Variants in TRDN observed in about 807,000 individuals in gnomAD.
TRDN encodes the protein triadin in skeletal muscle.
TRDN carries 161 observed loss-of-function variants against 149.7 expected under a neutral mutation model. The observed-to-expected ratio is 1.08, with a 90% CI of 0.95 to 1.23. The LOEUF is 1.23. TRDN is among the 50% of genes most tolerant of loss of function. The pLI is 0.00. For synonymous variants in TRDN, 294 were observed against 250.5 expected (o/e 1.17, Z -1.64); for missense variants, 896 against 823.5 (o/e 1.09, Z -1.08).
At chr6:123,619,382 C>T (rs1267803522) in intron 1 of TRDN, among the ~76,000 whole-genome samples, 1 of 152,122 alleles carries the variant, frequency 6.6e-6, no homozygotes, top group Admixed American at 6.6e-5. Context: ...TGGCTGTTGG[C>T]TGGAAGCTTG....
chr6:123,348,770 T>G (rs1472984659), intron 21 of TRDN, among the ~76,000 whole-genome samples: 1 of 152,056 alleles, frequency 6.6e-6, no homozygotes, highest in Non-Finnish European at 1.5e-5. Flanking sequence ...AGCTCAATAA[T>G]CTTAAACTCA....
chr6:123,520,674 T>G (rs1020067141), intron 5 of TRDN, among the ~76,000 whole-genome samples: 21 of 152,352 alleles, frequency 1.4e-4, no homozygotes, highest in African/African-American at 4.8e-4. Flanking sequence ...TTTATAATTC[T>G]AAAATATTAG....
intron 22 of TRDN, among the ~76,000 whole-genome samples, chr6:123,336,985 C>A (rs967886213): frequency 5.3e-5 from 8 of 151,886 alleles, no homozygotes; most frequent in African/African-American, 1.9e-4. Flanking sequence ...GGACATTATT[C>A]TTAGGATCAG....
chr6:123,544,322 T>G (rs1781008102), intron 4 of TRDN, among the ~76,000 whole-genome samples: 1 of 151,542 alleles, frequency 6.6e-6, no homozygotes. Flanking sequence ...TACTTAATTT[T>G]TTTGTCTCCT....
chr6:123,615,984 T>C (rs1490091976), intron 1 of TRDN, among the ~76,000 whole-genome samples: 1 of 152,192 alleles, frequency 6.6e-6, no homozygotes, highest in Non-Finnish European at 1.5e-5. Flanking sequence ...ATACATTGTA[T>C]GTAAGTGTGG....
At chr6:123,268,266 T>A (rs1280294221) in intron 31 of TRDN, among the ~76,000 whole-genome samples, 1 of 152,076 alleles carries the variant, frequency 6.6e-6, no homozygotes, top group Admixed American at 6.6e-5. Flanking sequence ...TTTGTATTTT[T>A]ATTGACCTGT....
intron 12 of TRDN, among the ~76,000 whole-genome samples, chr6:123,406,992 C>T (rs1224724135): frequency 6.6e-6 from 1 of 151,874 alleles, no homozygotes; most frequent in African/African-American, 2.4e-5. Context: ...CTTCAGGCTC[C>T]AAGCTCAGGG....
At chr6:123,350,029 T>C in intron 21 of TRDN, 2 of 985,276 alleles carry the variant, frequency 2.0e-6, no homozygotes, top group Non-Finnish European at 2.4e-6. Context: ...CATTCCTTAA[T>C]TTAAGGCAAA....
At chr6:123,268,562 C>G (rs1196158805) in intron 31 of TRDN, among the ~76,000 whole-genome samples, 2 of 151,960 alleles carry the variant, frequency 1.3e-5, no homozygotes, top group African/African-American at 4.8e-5. Context: ...ATGGTCAGTT[C>G]TTCTGAGCTG....
At chr6:123,308,493 T>C (rs976935561) in intron 24 of TRDN, among the ~76,000 whole-genome samples, 1 of 151,944 alleles carries the variant, frequency 6.6e-6, no homozygotes, top group African/African-American at 2.4e-5. Context: ...AATATATAAG[T>C]ATTCCTTTTT....
chr6:123,538,430 T>C (rs1352432172), intron 4 of TRDN, among the ~76,000 whole-genome samples: 1 of 152,144 alleles, frequency 6.6e-6, no homozygotes, highest in Non-Finnish European at 1.5e-5. Flanking sequence ...TCCGTAAATA[T>C]CTGTATATTC....
chr6:123,594,616 C>T (rs1357371436), intron 1 of TRDN, among the ~76,000 whole-genome samples: 5 of 95,792 alleles, frequency 5.2e-5, no homozygotes, highest in Non-Finnish European at 8.5e-5. Context: ...TGTTACCAAA[C>T]AGAATGAAAT....
chr6:123,545,673 A>G (rs952376935), intron 4 of TRDN, among the ~76,000 whole-genome samples: 1 of 151,950 alleles, frequency 6.6e-6, no homozygotes, highest in African/African-American at 2.4e-5. Context: ...CATGTGTTGA[A>G]GGACATATAT....
At chr6:123,338,715 G>GAACA (rs1462074834) in intron 21 of TRDN, among the ~76,000 whole-genome samples, 1 of 152,160 alleles carries the variant, frequency 6.6e-6, no homozygotes, top group African/African-American at 2.4e-5. Context: ...ACTAAATGAT[G>GAACA]AACAACATGA....
intron 12 of TRDN, among the ~76,000 whole-genome samples, chr6:123,431,136 AC>A (rs1463225060): frequency 1.3e-5 from 2 of 152,206 alleles, no homozygotes; most frequent in African/African-American, 4.8e-5. Context: ...AGTGTTTTTA[AC>A]ACAGTCAAGA....
intron 1 of TRDN, among the ~76,000 whole-genome samples, chr6:123,623,134 G>T (rs1233278945): frequency 6.6e-6 from 1 of 151,896 alleles, no homozygotes; most frequent in Admixed American, 6.6e-5. Context: ...CATTTAGTTT[G>T]TGAATCTTTT....
At chr6:123,470,107 C>A (rs1425286629) in intron 9 of TRDN, 1 of 152,064 alleles carries the variant, frequency 6.6e-6, no homozygotes, top group Non-Finnish European at 1.5e-5. Context: ...CTATTCCGTA[C>A]CCTTATTCTT....
At chr6:123,575,281 A>T (rs1160371740) in intron 1 of TRDN, among the ~76,000 whole-genome samples, 1 of 152,012 alleles carries the variant, frequency 6.6e-6, no homozygotes, top group Admixed American at 6.6e-5. Context: ...AAACACATTA[A>T]GTTGTACCTT....
Position 123,585,101 on chromosome 6 carries a change from T to C in TRDN, c.23-13969A>G, listed in dbSNP as rs189144468. On this transcript the variant is annotated intron_variant, in intron 1 of 40. Coordinates refer to ENST00000334268, the MANE Select transcript of TRDN (RefSeq NM_006073.4). ...AGATGGTAAGGGGTGCATGATCGGTTGCCAAGGAGGGAGTAGAGGTATCTT... is the reference window on the plus strand; with the variant it reads ...AGATGGTAAGGGGTGCATGATCGGTCGCCAAGGAGGGAGTAGAGGTATCTT... 4.9e-3 allele frequency among the ~76,000 whole-genome samples: 736 copies of C among 150,886 alleles called. 14 individuals are homozygous for C. The highest frequency in any genetic ancestry group is 0.031 in the East Asian group (155 of 5,066).
Sources: gnomAD v4.1 joint callset for allele counts (sites outside exome capture counted in the v4.1 genomes callset) on GRCh38, gnomAD v4.1.1 for gene constraint, MANE v1.5 for transcripts, NCBI Gene and HGNC (gene_info 2026-07-23, HGNC 2026-07-21) for gene names.